The following RBFOX1 variants were observed in gnomAD, a reference collection of about 807,000 sequenced individuals.
RBFOX1 encodes RNA binding fox-1 homolog 1.
A neutral mutation model predicts 57.7 loss-of-function variants in RBFOX1; 8 were observed. The observed-to-expected ratio is 0.14, with a 90% CI of 0.08 to 0.25. RBFOX1 has a LOEUF of 0.25. RBFOX1 is among the 10% of genes least tolerant of loss of function. The pLI, the probability that RBFOX1 is intolerant of heterozygous loss-of-function variation, is 1.00. For synonymous variants in RBFOX1, 326 were observed against 222.4 expected (o/e 1.47, Z -4.15); for missense variants, 611 against 548.5 (o/e 1.11, Z -1.14).
At chr16:7,514,684 G>C (rs2152107894) in intron 4 of RBFOX1, among the ~76,000 whole-genome samples, 1 of 152,224 alleles carries the variant, frequency 6.6e-6, no homozygotes, top group East Asian at 1.9e-4. Context: ...CAAGCTGAGG[G>C]GCAGTAAATG....
chr16:5,432,832 T>C (rs4254333), intron 1 of RBFOX1, among the ~76,000 whole-genome samples: 87,081 of 151,094 alleles, frequency 0.58, 25,225 homozygotes, highest in East Asian at 0.68. Flanking sequence ...GTCTCCTGGG[T>C]TGGAGTGCAG....
At chr16:6,927,327 C>A (rs954703995) in intron 3 of RBFOX1, among the ~76,000 whole-genome samples, 1 of 144,480 alleles carries the variant, frequency 6.9e-6, no homozygotes, top group East Asian at 2.2e-4. Context: ...GCACGAGAAT[C>A]GCTGGAACCC....
At chr16:6,628,058 T>C (rs999627208) in intron 2 of RBFOX1, among the ~76,000 whole-genome samples, 1 of 152,162 alleles carries the variant, frequency 6.6e-6, no homozygotes, top group Non-Finnish European at 1.5e-5. Flanking sequence ...TGAGCGTGAA[T>C]GTCCATGAGC....
chr16:7,131,991 T>C (rs1321295465), intron 4 of RBFOX1, among the ~76,000 whole-genome samples: 2 of 111,800 alleles, frequency 1.8e-5, no homozygotes, highest in African/African-American at 3.3e-5. Flanking sequence ...GAGTCCTTTT[T>C]TTCTTTCTTT....
chr16:6,863,033 C>T (rs140884063), intron 3 of RBFOX1, among the ~76,000 whole-genome samples: 8 of 151,098 alleles, frequency 5.3e-5, no homozygotes, highest in African/African-American at 1.9e-4. Flanking sequence ...AAGGAATTTG[C>T]AGAGTCCTTC....
At chr16:5,994,056 A>G (rs966021418) in intron 4 of RBFOX1, among the ~76,000 whole-genome samples, 1 of 152,166 alleles carries the variant, frequency 6.6e-6, no homozygotes, top group African/African-American at 2.4e-5. Flanking sequence ...AAAGAGTTAA[A>G]TGATGCAGGA....
At chr16:5,572,857 G>A (rs183270688) in intron 2 of RBFOX1, among the ~76,000 whole-genome samples, 3 of 152,304 alleles carry the variant, frequency 2.0e-5, no homozygotes, top group African/African-American at 4.8e-5. Flanking sequence ...AATGAGCAAA[G>A]GCAAAGGTAC....
intron 3 of RBFOX1, among the ~76,000 whole-genome samples, chr16:7,040,980 A>G (rs979814150): frequency 1.3e-5 from 2 of 151,248 alleles, no homozygotes; most frequent in Non-Finnish European, 2.9e-5. Context: ...CAATGATGCA[A>G]TCTCTGCTCA....
At chr16:6,677,891 C>T (rs142655658) in intron 3 of RBFOX1, among the ~76,000 whole-genome samples, 2,642 of 152,184 alleles carry the variant, frequency 0.017, 33 homozygotes, top group Admixed American at 0.034. Flanking sequence ...ATTTTAGGAG[C>T]AATTTTTGTT....
chr16:7,219,603 C>A (rs987774614), intron 4 of RBFOX1, among the ~76,000 whole-genome samples: 1 of 152,158 alleles, frequency 6.6e-6, no homozygotes, highest in African/African-American at 2.4e-5. Context: ...GTAGAAAGAA[C>A]AAGCGTGGCG....
chr16:6,661,347 A>T (rs1299517036), intron 3 of RBFOX1, among the ~76,000 whole-genome samples: 1 of 152,206 alleles, frequency 6.6e-6, no homozygotes, highest in Non-Finnish European at 1.5e-5. Context: ...TGGCGAGGAC[A>T]AGACGGTGTA....
chr16:7,058,881 G>C (rs2053351269), intron 4 of RBFOX1, among the ~76,000 whole-genome samples: 1 of 152,086 alleles, frequency 6.6e-6, no homozygotes, highest in African/African-American at 2.4e-5. Flanking sequence ...ACTTCATAAT[G>C]TTACATATTG....
chr16:7,361,146 G>T (rs1317462262), intron 4 of RBFOX1, among the ~76,000 whole-genome samples: 1 of 152,142 alleles, frequency 6.6e-6, no homozygotes. Context: ...CCACCTGCCA[G>T]CCCTCTTTCC....
intron 3 of RBFOX1, among the ~76,000 whole-genome samples, chr16:6,727,884 C>T (rs1370378688): frequency 2.0e-5 from 3 of 152,160 alleles, no homozygotes; most frequent in African/African-American, 4.8e-5. Flanking sequence ...CCAGTATTTA[C>T]CTGATTCCAT....
intron 1 of RBFOX1, among the ~76,000 whole-genome samples, chr16:6,035,697 G>A (rs141300444): frequency 2.6e-5 from 4 of 152,092 alleles, no homozygotes; most frequent in African/African-American, 4.8e-5. Context: ...CCTCATCAGC[G>A]TCACCTTCTT....
At chr16:6,096,233 G>A (rs980403223) in intron 1 of RBFOX1, among the ~76,000 whole-genome samples, 3 of 152,184 alleles carry the variant, frequency 2.0e-5, no homozygotes, top group African/African-American at 7.2e-5. Flanking sequence ...TTATTCCATA[G>A]TGGGAAGGAG....
At chr16:6,858,283 C>G (rs538464571) in intron 3 of RBFOX1, among the ~76,000 whole-genome samples, 1 of 152,170 alleles carries the variant, frequency 6.6e-6, no homozygotes, top group Non-Finnish European at 1.5e-5. Flanking sequence ...TTTCAGAGGT[C>G]TTCCCTCTCT....
rs116937637 is a variant in RBFOX1, at chr16:6,987,627, G to T, written c.-15-64430G>T. 4.7e-4 allele frequency among the ~76,000 whole-genome samples: 72 copies of T among 152,242 alleles called. No individual in the cohort carries two copies. The East Asian group carries it at 9.7e-3, about 20-fold the overall frequency. On this transcript the variant is annotated intron_variant, in intron 3 of 15. Transcript: ENST00000550418. ...CATTCATAAATGGAATTTCCATTCC[G>T]TTGAAATATAGCTCATGACTGGGGC...
intron 4 of RBFOX1, among the ~76,000 whole-genome samples, chr16:7,331,767 T>G (rs2096700365): frequency 1.3e-5 from 2 of 152,180 alleles, no homozygotes; most frequent in Non-Finnish European, 2.9e-5. Flanking sequence ...GTGATTATAC[T>G]GACACCCAAG....
Sources: gnomAD v4.1 joint callset for allele counts (sites outside exome capture counted in the v4.1 genomes callset) on GRCh38, gnomAD v4.1.1 for gene constraint, MANE v1.5 for transcripts, NCBI Gene and HGNC (gene_info 2026-07-23, HGNC 2026-07-21) for gene names.